Variants in MAST3 observed in about 807,000 individuals in gnomAD.
MAST3 encodes the protein microtubule associated serine/threonine kinase 3, also known as microtubule-associated serine/threonine-protein kinase 3.
MAST3 carries 43 observed loss-of-function variants against 127.0 expected under a neutral mutation model. The ratio of observed to expected loss-of-function variants is 0.34; its 90% CI spans 0.27 to 0.44. MAST3 has a LOEUF of 0.44. Among genes scored for constraint, MAST3 ranks in the 20% least tolerant of loss-of-function variants. MAST3 has a pLI of 1.00. For synonymous variants in MAST3, 785 were observed against 809.2 expected, an observed-to-expected ratio of 0.97 and a Z score of 0.51; for missense variants, 1,390 against 1,919.1, an observed-to-expected ratio of 0.72 and a Z score of 5.15.
In MAST3 at chr19:18,149,741, T is replaced by C. The variant is rs1313323624; in HGVS notation, c.*15T>C. ...GAAGAGACTGATCCCCTGCCAGGTC[T>C]CTCCCTGGCATCAAAGTTACGCGTT... On this transcript the variant is annotated 3_prime_UTR_variant, in exon 28 of 28. Transcript: ENST00000687212. This position sits in a 1 kb window ranked among gnomAD's most constrained non-coding sequence, Gnocchi z 5.9. 1.2e-6 allele frequency: 2 copies of C among 1,610,058 alleles called. No individual in the cohort carries two copies. Among genetic ancestry groups the C allele is most frequent in the Non-Finnish European group, 1.7e-6 (2 of 1,179,120 alleles).
intron 15 of MAST3, 105 bp downstream of exon 15, chr19:18,132,152 G>T (rs904351251): frequency 2.1e-6 from 3 of 1,456,612 alleles, no homozygotes; most frequent in East Asian, 4.7e-5. Context: ...TGCATCCCGG[G>T]ACCCTTCAGG....
intron 5 of MAST3, 50 bp downstream of exon 5, chr19:18,121,972 T>G (rs1599741671): frequency 6.2e-7 from 1 of 1,602,504 alleles, no homozygotes. Context: ...CGGGCAAGGG[T>G]TGGGCAGGGG....
chr19:18,135,881 C>T, intron 18 of MAST3, 40 bp downstream of exon 18: 1 of 1,504,766 alleles, frequency 6.6e-7, no homozygotes, highest in Non-Finnish European at 9.1e-7. Context: ...GTGGCTCCTT[C>T]AGGCCCTGGG....
At chr19:18,123,838 C>T (rs2040279235) in intron 8 of MAST3, 101 bp from the exon 9 acceptor site, 42 of 1,185,110 alleles carry the variant, frequency 3.5e-5, no homozygotes, top group Non-Finnish European at 5.0e-5. Flanking sequence ...CGCCCCATTG[C>T]CCCATCTCCT....
At position 18,149,848 on chromosome 19, in the gene MAST3, A is replaced by G; in HGVS notation, c.*122A>G. Reference sequence around the variant, plus strand: ...CCTGACACCCAGAAGGCGAGAAGCCATCTCGGTCCTTGCTGGAAGGTGGAG... The same window carrying G: ...CCTGACACCCAGAAGGCGAGAAGCCGTCTCGGTCCTTGCTGGAAGGTGGAG... On this transcript the variant is annotated 3_prime_UTR_variant, in exon 28 of 28. Transcript: ENST00000687212. The surrounding 1 kb of genome is among the most constrained non-coding windows in gnomAD (Gnocchi z 5.9). 1 of 1,403,006 alleles carries G rather than the reference A, an allele frequency of 7.1e-7. No homozygotes were observed. Among genetic ancestry groups the G allele is most frequent in the Middle Eastern group, 2.0e-4 (1 of 5,068 alleles). 86.9% of individuals were successfully genotyped at this position (1,403,006 alleles called of 1,614,324 possible).
At position 18,112,892 on chromosome 19, in the gene MAST3, C is replaced by A. The variant is rs1260988793; in HGVS notation, c.161+2151C>A. On this transcript the variant is annotated intron_variant, in intron 3 of 27. Transcript: ENST00000687212. This position sits in a 1 kb window ranked among gnomAD's most constrained non-coding sequence, Gnocchi z 4.1. ...AACATCCAGGAACAAGTCGAGGCATCCACTGAGAATCAGAGACTGCCATCA... is the reference window on the plus strand; with the variant it reads ...AACATCCAGGAACAAGTCGAGGCATACACTGAGAATCAGAGACTGCCATCA... Among the ~76,000 whole-genome samples the A allele has an allele frequency of 6.6e-6, 1 of 152,112 alleles. No homozygotes were observed. The highest frequency in any genetic ancestry group is 2.4e-5 in the African/African-American group (1 of 41,424).
At chr19:18,143,129 CA>C (rs1160557370) in intron 21 of MAST3, among the ~76,000 whole-genome samples, 4 of 149,690 alleles carry the variant, frequency 2.7e-5, no homozygotes, top group African/African-American at 4.9e-5. Context: ...AAAAACAAAA[CA>C]AAAAACAAAA....
Position 18,123,571 on chromosome 19 carries a change from T to TG in MAST3, c.558-9_558-8insG. On this transcript the variant is annotated splice_polypyrimidine_tract_variant and intron_variant, in intron 7 of 27. Coordinates refer to ENST00000687212, the MANE Select transcript of MAST3 (RefSeq NM_001393504.1). ...GTCCCATATCACAAGCCAGCTGTCT[T>TG]CCTTTCAGCCCGGGCCGTGCAACGG... The TG allele has an allele frequency of 6.4e-7, 1 of 1,557,276 alleles. No homozygotes were observed.
intron 3 of MAST3, among the ~76,000 whole-genome samples, chr19:18,118,405 C>G (rs909337446): frequency 1.3e-4 from 20 of 152,264 alleles, no homozygotes; most frequent in Non-Finnish European, 2.2e-4. Context: ...ATCGAGGTGT[C>G]CCCTGGGGTC....
In MAST3 at chr19:18,145,701, G is replaced by A. The variant is rs1244312540; in HGVS notation, c.3040-42G>A. The A allele has an allele frequency of 2.0e-6, 3 of 1,520,942 alleles. No homozygotes were observed. In the Admixed American group the frequency reaches 7.4e-5, roughly 37 times the overall value. 94.2% of individuals were successfully genotyped at this position (1,520,942 alleles called of 1,614,324 possible). Reference sequence around the variant, plus strand: ...AGCCTGGGCTGGGGTCCCCAGATGTGGGGCCCAGGCCATTGACCCCACCGT... The same window carrying A: ...AGCCTGGGCTGGGGTCCCCAGATGTAGGGCCCAGGCCATTGACCCCACCGT... On this transcript the variant is annotated intron_variant, in intron 24 of 27. Transcript: ENST00000687212. The surrounding 1 kb of genome is among the most constrained non-coding windows in gnomAD (Gnocchi z 5.9).
At chr19:18,147,743 G>A (rs1255488411) in intron 27 of MAST3, 119 bp downstream of exon 27, 11 of 759,928 alleles carry the variant, frequency 1.4e-5, no homozygotes, top group African/African-American at 5.3e-5. Flanking sequence ...AAAGATGACC[G>A]GGATCCTGGT....
At position 18,131,151 on chromosome 19, in the gene MAST3, C is replaced by G. The variant is rs572363243; in HGVS notation, c.1432+449C>G. Among the ~76,000 whole-genome samples, 4 of 152,348 alleles carry G rather than the reference C, an allele frequency of 2.6e-5. No homozygotes were observed. In the South Asian group the frequency reaches 8.3e-4, roughly 32 times the overall value. The stretch of plus-strand genomic sequence containing the variant: ...AGGGTCTCAGCTTGGCGCGCTGGCT[C>G]ACGCCTGTAGTCCCAGCACTTTGGG... On this transcript the variant is annotated intron_variant, in intron 14 of 27. Coordinates refer to ENST00000687212, the MANE Select transcript of MAST3 (RefSeq NM_001393504.1).
chr19:18,120,522 A>G (rs573309511), intron 3 of MAST3, among the ~76,000 whole-genome samples: 1 of 152,268 alleles, frequency 6.6e-6, no homozygotes, highest in South Asian at 2.1e-4. Flanking sequence ...CAACACTGCC[A>G]ATAGTTTGTG....
At position 18,110,804 on chromosome 19, in the gene MAST3, C is replaced by T; in HGVS notation, c.161+63C>T. On this transcript the variant is annotated intron_variant, in intron 3 of 27. Transcript: ENST00000687212. The surrounding 1 kb of genome is among the most constrained non-coding windows in gnomAD (Gnocchi z 4.3). ...CCCTGGCACCCCAGAGCCTTGGAAA[C>T]CCTCCAGACTCATCGGTCTCCTCAA... The T allele has an allele frequency of 1.2e-6, 1 of 824,648 alleles. No individual in the cohort carries two copies. Among genetic ancestry groups the T allele is most frequent in the Non-Finnish European group, 1.5e-6 (1 of 682,844 alleles). The allele number at this position is 824,648 out of a possible 1,614,324, so 51.1% of individuals were successfully genotyped here.
chr19:18,111,530 C>CTTTTTTTTTTTTTTTTTTTTTT (rs576984210), intron 3 of MAST3, among the ~76,000 whole-genome samples: 4 of 103,288 alleles, frequency 3.9e-5, no homozygotes, highest in African/African-American at 1.9e-4. Context: ...TTTCCACAGA[C>CTTTTTTTTTTTTTTTTTTTTTT]TTTTTTTTTT....
Position 18,144,085 on chromosome 19 carries a change from G to A in MAST3, c.2584+78G>A. On this transcript the variant is annotated intron_variant, in intron 22 of 27. Transcript: ENST00000687212. This position sits in a 1 kb window ranked among gnomAD's most constrained non-coding sequence, Gnocchi z 4.0. ...GGGGCTATTTGAGATGGGTTTTCAA[G>A]GATGAGTAGGAGTTCTCCAGAGCCA... 17 of 1,502,608 alleles carry A rather than the reference G, an allele frequency of 1.1e-5. No individual in the cohort carries two copies. The highest frequency in any genetic ancestry group is 2.5e-5 in the East Asian group (1 of 40,710). The allele number at this position is 1,502,608 out of a possible 1,614,324, so 93.1% of individuals were successfully genotyped here. A position where few individuals can be genotyped will look rare whatever the true frequency, so the allele number is the denominator to read the frequency against.
In MAST3 at chr19:18,112,823, G is replaced by A. The variant is rs924198997; in HGVS notation, c.161+2082G>A. 1.3e-5 allele frequency among the ~76,000 whole-genome samples: 2 copies of A among 152,150 alleles called. No individual in the cohort carries two copies. The highest frequency in any genetic ancestry group is 4.2e-4 in the South Asian group (2 of 4,816). On this transcript the variant is annotated intron_variant, in intron 3 of 27. Coordinates refer to ENST00000687212, the MANE Select transcript of MAST3 (RefSeq NM_001393504.1). The surrounding 1 kb of genome is among the most constrained non-coding windows in gnomAD (Gnocchi z 4.1). ...GCCTTGGGGGGAGAAAGTTCTGCTG[G>A]GGCCAGGAATGGAGGTGGCCAGAGA...
chr19:18,102,113 T>A (rs1264752491), intron 1 of MAST3, among the ~76,000 whole-genome samples: 2 of 151,970 alleles, frequency 1.3e-5, no homozygotes, highest in Admixed American at 1.3e-4. Context: ...ATCTGCTGAC[T>A]TCGTGATCCT....
At chr19:18,099,730 G>A (rs1205814925) in intron 1 of MAST3, among the ~76,000 whole-genome samples, 5 of 152,322 alleles carry the variant, frequency 3.3e-5, no homozygotes, top group African/African-American at 9.6e-5. Context: ...AGGGCATTCC[G>A]GGCAGAGGCC....
Sources: gnomAD v4.1 joint callset for allele counts (sites outside exome capture counted in the v4.1 genomes callset) on GRCh38, gnomAD v4.1.1 for gene constraint, Gnocchi (gnomAD v3.1) non-coding constraint, MANE v1.5 for transcripts, NCBI Gene and HGNC (gene_info 2026-07-23, HGNC 2026-07-21) for gene names.